IMPG1: variants seen among roughly 807,000 people sequenced by gnomAD.
IMPG1 encodes interphotoreceptor matrix proteoglycan of 150 kDa.
IMPG1 carries 85 observed loss-of-function variants against 92.0 expected under a neutral mutation model. The ratio of observed to expected loss-of-function variants is 0.92; its 90% confidence interval spans 0.78 to 1.11. The LOEUF (loss-of-function observed/expected upper bound fraction) is 1.11. Ranked by LOEUF, IMPG1 falls within the 50% of genes least tolerant of loss-of-function variation. IMPG1 has a pLI of 0.00. For synonymous variants in IMPG1, 367 were observed against 334.1 expected (o/e 1.10, Z -1.08); for missense variants, 1,022 against 956.0 (o/e 1.07, Z -0.91).
chr6:76,072,654 G>A lies in IMPG1; in HGVS notation c.-166C>T. 2.0e-6 allele frequency: 1 copy of A among 508,500 alleles called. No homozygotes were observed. Among genetic ancestry groups the A allele is most frequent in the Non-Finnish European group, 3.5e-6 (1 of 289,376 alleles). 31.5% of individuals were successfully genotyped at this position (508,500 alleles called of 1,614,324 possible). On this transcript the variant is annotated 5_prime_UTR_variant, in exon 1 of 17. Coordinates refer to ENST00000369950, the MANE Select transcript of IMPG1 (RefSeq NM_001563.4). ...GGTGTTAATTTATGAAGAACATGTA[G>A]CAGTGTCTGTTTCTGGAATAATCTG...
intron 12 of IMPG1, among the ~76,000 whole-genome samples, chr6:75,964,057 A>AT (rs1782258036): frequency 6.6e-6 from 1 of 152,212 alleles, no homozygotes; most frequent in East Asian, 1.9e-4. Flanking sequence ...GGGAAAAAGC[A>AT]CTTTCAAAAG....
rs1415499687 is a variant in IMPG1 at position 75,951,005 on chromosome 6, C to G, written c.1381G>C (p.Asp461His). 2 of 1,613,752 alleles carry G rather than the reference C, an allele frequency of 1.2e-6. No individual in the cohort carries two copies. Among genetic ancestry groups the G allele is most frequent in the African/African-American group, 1.3e-5 (1 of 74,870 alleles). ...FMASSIFSLT[D>H]QGTTDTMATD... The stretch of plus-strand genomic sequence containing the variant: ...GCCATTGTATCTGTGGTGCCTTGAT[C>G]AGTCAGAGAGAAGATGCTTGATGCC... The change falls in exon 13 of 17, where the codon GAT (aspartate) becomes CAT (histidine). Residue 461 changes from aspartate to histidine, a missense_variant. Asp to His is a moderately conservative substitution (Grantham distance 81). Coordinates refer to ENST00000369950, the MANE Select transcript of IMPG1 (RefSeq NM_001563.4).
At chr6:75,953,525 T>C (rs1782069813) in intron 12 of IMPG1, among the ~76,000 whole-genome samples, 2 of 152,164 alleles carry the variant, frequency 1.3e-5, no homozygotes, top group Admixed American at 1.3e-4. Context: ...GCTGTTCCTG[T>C]GTTAGTTTGC....
chr6:75,926,443 C>T (rs1254161749), intron 15 of IMPG1, among the ~76,000 whole-genome samples: 1 of 152,158 alleles, frequency 6.6e-6, no homozygotes. Context: ...TGTGAGTGAA[C>T]CTGTGACTTT....
intron 14 of IMPG1, among the ~76,000 whole-genome samples, chr6:75,932,906 G>T (rs150830533): frequency 0.081 from 12,368 of 151,990 alleles, 604 homozygotes; most frequent in Middle Eastern, 0.14. Flanking sequence ...TCACCATGTT[G>T]GCCAGGCTGG....
chr6:75,947,244 C>T (rs1582059401), intron 14 of IMPG1, 70 bp downstream of exon 14: 2 of 1,247,902 alleles, frequency 1.6e-6, no homozygotes, highest in South Asian at 1.3e-5. Context: ...GAAACGTGTG[C>T]TTAAAAACAG....
At chr6:75,938,043 C>G (rs952103834) in intron 14 of IMPG1, among the ~76,000 whole-genome samples, 5 of 152,214 alleles carry the variant, frequency 3.3e-5, no homozygotes, top group South Asian at 4.1e-4. Flanking sequence ...GTGACTTACT[C>G]GGTTTTTCAG....
At chr6:75,968,590 T>C (rs1377486714) in intron 12 of IMPG1, among the ~76,000 whole-genome samples, 3 of 152,050 alleles carry the variant, frequency 2.0e-5, no homozygotes, top group Non-Finnish European at 4.4e-5. Flanking sequence ...CCTTTTTTTT[T>C]TACTTTCTCC....
At chr6:75,953,251 G>C (rs1782064776) in intron 12 of IMPG1, among the ~76,000 whole-genome samples, 1 of 152,032 alleles carries the variant, frequency 6.6e-6, no homozygotes, top group East Asian at 1.9e-4. Flanking sequence ...TAAATTTCTG[G>C]CCATTTCCCT....
At chr6:76,046,101 A>G (rs1472712690) in intron 1 of IMPG1, among the ~76,000 whole-genome samples, 1 of 150,132 alleles carries the variant, frequency 6.7e-6, no homozygotes, top group African/African-American at 2.5e-5. Context: ...AAAAAAAAAA[A>G]TAACCACCTT....
intron 15 of IMPG1, among the ~76,000 whole-genome samples, chr6:75,925,669 A>G (rs199980352): frequency 2.0e-5 from 3 of 150,740 alleles, no homozygotes; most frequent in Non-Finnish European, 3.0e-5. Context: ...TGTGTTTTTT[A>G]TTTGTTTGTT....
chr6:75,931,711 A>C (rs960807265), intron 14 of IMPG1, among the ~76,000 whole-genome samples: 1 of 152,176 alleles, frequency 6.6e-6, no homozygotes, highest in Admixed American at 6.5e-5. Flanking sequence ...CTAATGTTAG[A>C]GAGTCATTCT....
chr6:75,947,542 TA>T lies in IMPG1; in HGVS notation c.1825-10del. ...CGTAGATATGGAACCAGCTGCAAAA[TA>T]AAAGATGGTTTCCTCTTAACTGTGT... On this transcript the variant is annotated splice_polypyrimidine_tract_variant and intron_variant, in intron 13 of 16. Coordinates refer to ENST00000369950, the MANE Select transcript of IMPG1 (RefSeq NM_001563.4). The T allele has an allele frequency of 1.9e-6, 3 of 1,600,760 alleles. No homozygotes were observed. The highest frequency in any genetic ancestry group is 2.6e-6 in the Non-Finnish European group (3 of 1,169,292).
intron 12 of IMPG1, among the ~76,000 whole-genome samples, chr6:76,001,194 T>C (rs1402630869): frequency 6.6e-6 from 1 of 152,250 alleles, no homozygotes; most frequent in East Asian, 1.9e-4. Context: ...GCTTTCATCA[T>C]AGATATACTA....
intron 12 of IMPG1, among the ~76,000 whole-genome samples, chr6:75,971,395 C>T (rs1214601360): frequency 6.6e-6 from 1 of 151,750 alleles, no homozygotes; most frequent in Non-Finnish European, 1.5e-5. Context: ...GTGCAGCGCA[C>T]CAGCATGGCA....
Position 75,923,811 on chromosome 6 carries a change from A to AATAG in IMPG1, c.2244-109_2244-106dup, listed in dbSNP as rs756389787. Reference sequence around the variant, plus strand: ...TAGTTTTAACATCATGACAAGTGAAAATAGATAGCATATTTTTGCAGGTGT... The same window carrying AATAG: ...TAGTTTTAACATCATGACAAGTGAAAATAGATAGATAGCATATTTTTGCAGGTGT... On this transcript the variant is annotated intron_variant, in intron 15 of 16. Transcript: ENST00000369950. The AATAG allele has an allele frequency of 1.2e-5, 8 of 644,632 alleles. No homozygotes were observed. The South Asian group carries it at 1.5e-4, about 12-fold the overall frequency. The allele number at this position is 644,632 out of a possible 1,614,324, so 39.9% of individuals were successfully genotyped here.
At chr6:75,927,328 C>CT (rs1781572684) in intron 15 of IMPG1, among the ~76,000 whole-genome samples, 1 of 152,154 alleles carries the variant, frequency 6.6e-6, no homozygotes, top group African/African-American at 2.4e-5. Context: ...GGGCAGAGCT[C>CT]TTAACTTAAA....
At chr6:75,991,935 T>C (rs917518049) in intron 12 of IMPG1, among the ~76,000 whole-genome samples, 10 of 152,186 alleles carry the variant, frequency 6.6e-5, no homozygotes, top group Admixed American at 2.6e-4. Context: ...GATGATTAAT[T>C]TGATGTGTCA....
At chr6:75,945,198 T>G (rs1300080711) in intron 14 of IMPG1, among the ~76,000 whole-genome samples, 1 of 152,232 alleles carries the variant, frequency 6.6e-6, no homozygotes, top group Non-Finnish European at 1.5e-5. Flanking sequence ...GGTCACAAAT[T>G]GATAGTCAAG....
Sources: gnomAD v4.1 joint callset for allele counts (sites outside exome capture counted in the v4.1 genomes callset) on GRCh38, gnomAD v4.1.1 for gene constraint, MANE v1.5 for transcripts, NCBI Gene and HGNC (gene_info 2026-07-23, HGNC 2026-07-21) for gene names.